The following DNM2 variants were observed in gnomAD, a reference collection of about 807,000 sequenced individuals.
DNM2 encodes dynamin 2, also known as dynamin-2.
In DNM2, 15 loss-of-function variants were observed where a neutral mutation model predicts 99.0. That is an observed-to-expected ratio of 0.15 (90% confidence interval 0.10 to 0.23). The LOEUF is 0.23. Ranked by LOEUF, DNM2 falls within the 10% of genes least tolerant of loss-of-function variation. The pLI is 1.00. For synonymous variants in DNM2, 525 were observed against 481.2 expected, an observed-to-expected ratio of 1.09 and a Z score of -1.19; for missense variants, 742 against 1,189.4, an observed-to-expected ratio of 0.62 and a Z score of 5.53.
chr19:10,762,740 C>T (rs989344085), intron 2 of DNM2, among the ~76,000 whole-genome samples: 1 of 152,314 alleles, frequency 6.6e-6, no homozygotes, highest in South Asian at 2.1e-4. Context: ...CTTTAAAGCC[C>T]ACCCTTAAGC....
chr19:10,743,982 TC>T lies in DNM2; in HGVS notation c.162-15754del, dbSNP rs202082998. Among the ~76,000 whole-genome samples, 1,104 of 142,638 alleles carry T rather than the reference TC, an allele frequency of 7.7e-3. 12 individuals are homozygous for T. Among genetic ancestry groups the T allele is most frequent in the African/African-American group, 0.028 (1,042 of 37,706 alleles). The allele number at this position is 142,638 out of a possible 152,430, so 93.6% of individuals were successfully genotyped here. ...GCCAGGGCAGCAGAGCGAGACTGTT[TC>T]CAGAAAAAAAAAAAAAATACAAAAA... On this transcript the variant is annotated intron_variant, in intron 1 of 20. Coordinates refer to ENST00000389253, the MANE Select transcript of DNM2 (RefSeq NM_001005361.3).
chr19:10,745,889 A>T (rs1436137802), intron 1 of DNM2, among the ~76,000 whole-genome samples: 1 of 152,146 alleles, frequency 6.6e-6, no homozygotes, highest in Non-Finnish European at 1.5e-5. Flanking sequence ...AGGAGATGAG[A>T]TGGTCTTTCG....
intron 13 of DNM2, 147 bp from the exon 14 acceptor site, chr19:10,808,422 C>A: frequency 1.4e-6 from 1 of 725,090 alleles, no homozygotes; most frequent in South Asian, 2.2e-5. Flanking sequence ...AATTTTTTTT[C>A]TTTTGCTGTT....
At chr19:10,759,890 G>A (rs1233632151) in intron 2 of DNM2, 79 bp downstream of exon 2, 1 of 1,573,188 alleles carries the variant, frequency 6.4e-7, no homozygotes, top group African/African-American at 1.4e-5. Flanking sequence ...GGCGGAGGGT[G>A]GAACTTGGGT....
intron 5 of DNM2, chr19:10,780,415 A>G (rs1024163323): frequency 6.6e-6 from 1 of 152,378 alleles, no homozygotes; most frequent in African/African-American, 2.4e-5. Context: ...GGCACTAGCC[A>G]GGCTGAGGAT....
At chr19:10,805,362 G>A (rs1343668876) in intron 12 of DNM2, among the ~76,000 whole-genome samples, 2 of 152,234 alleles carry the variant, frequency 1.3e-5, no homozygotes, top group African/African-American at 4.8e-5. Context: ...AGGGCCAGGT[G>A]CAGTGGCTCA....
chr19:10,814,999 T>G (rs1236819565), intron 15 of DNM2, among the ~76,000 whole-genome samples: 2 of 152,204 alleles, frequency 1.3e-5, no homozygotes, highest in Non-Finnish European at 2.9e-5. Flanking sequence ...GGGAGAAGAC[T>G]GCAGGCTGTC....
chr19:10,766,688 G>A (rs1293748751), intron 2 of DNM2, among the ~76,000 whole-genome samples: 2 of 152,014 alleles, frequency 1.3e-5, no homozygotes, highest in Non-Finnish European at 2.9e-5. Flanking sequence ...CACAGGCTTG[G>A]GAGGGAGGCA....
At chr19:10,785,269 C>T (rs1010316175) in intron 6 of DNM2, among the ~76,000 whole-genome samples, 4 of 151,966 alleles carry the variant, frequency 2.6e-5, no homozygotes, top group East Asian at 3.8e-4. Context: ...AGGCACCCAT[C>T]ACCACACCCG....
In DNM2 at chr19:10,805,874, G is replaced by A. The variant is rs564774041; in HGVS notation, c.1494-42G>A. The A allele has an allele frequency of 5.7e-4, 921 of 1,613,600 alleles. 11 individuals are homozygous for A. The South Asian group carries it at 8.8e-3, about 15-fold the overall frequency. On this transcript the variant is annotated intron_variant, in intron 12 of 20. Coordinates refer to ENST00000389253, the MANE Select transcript of DNM2 (RefSeq NM_001005361.3). Reference sequence around the variant, plus strand: ...TCGCCTCTTCCCCTTCTTCCCCCCCGGCATCTTGTCCACGTGAACCCTGTC... The same window carrying A: ...TCGCCTCTTCCCCTTCTTCCCCCCCAGCATCTTGTCCACGTGAACCCTGTC...
intron 1 of DNM2, among the ~76,000 whole-genome samples, chr19:10,754,455 G>A (rs2070315133): frequency 6.6e-6 from 1 of 152,046 alleles, no homozygotes; most frequent in South Asian, 2.1e-4. Flanking sequence ...GTTTTACCGT[G>A]TTGGCCAGGA....
chr19:10,812,466 A>AC lies in DNM2; in HGVS notation c.1671+90dup. On this transcript the variant is annotated intron_variant, in intron 15 of 20. Coordinates refer to ENST00000389253, the MANE Select transcript of DNM2 (RefSeq NM_001005361.3). This position sits in a 1 kb window ranked among gnomAD's most constrained non-coding sequence, Gnocchi z 4.0. ...CGCTCCCTCTGGGCAGAACTCAGTC[A>AC]CTGCGCCACTCTGCCCTGAGTCACC... is the stretch of plus-strand genomic sequence containing the variant. 9.3e-7 allele frequency: 1 copy of AC among 1,080,116 alleles called. No individual in the cohort carries two copies. The allele number at this position is 1,080,116 out of a possible 1,614,324, so 66.9% of individuals were successfully genotyped here.
In DNM2 at chr19:10,765,957, A is replaced by G. The variant is rs2070782969; in HGVS notation, c.235+6146A>G. Among the ~76,000 whole-genome samples, 1 of 152,180 alleles carries G rather than the reference A, an allele frequency of 6.6e-6. No individual in the cohort carries two copies. Among genetic ancestry groups the G allele is most frequent in the Non-Finnish European group, 1.5e-5 (1 of 68,032 alleles). ...CAGCCCCTGAGGGTTCCCTGAGACT[A>G]ACAGCTGAGCCGTGTTTGTGCTCCT... On this transcript the variant is annotated intron_variant, in intron 2 of 20. Transcript: ENST00000389253. The surrounding 1 kb of genome is among the most constrained non-coding windows in gnomAD (Gnocchi z 4.4).
Position 10,830,044 on chromosome 19 carries a change from C to T in DNM2, c.2292-83C>T, listed in dbSNP as rs547495500. ...CGCTGTCCCCATAGCCAGCCCCCAC[C>T]TCAGGTTCTGGCAGCCACAGTGGCA... On this transcript the variant is annotated intron_variant, in intron 19 of 20. Coordinates refer to ENST00000389253, the MANE Select transcript of DNM2 (RefSeq NM_001005361.3). This position sits in a 1 kb window ranked among gnomAD's most constrained non-coding sequence, Gnocchi z 4.8. The T allele has an allele frequency of 3.7e-4, 597 of 1,594,578 alleles. 3 individuals carry two copies. In the African/African-American group the frequency reaches 7.3e-3, roughly 19 times the overall value.
rs1454744687 is a variant in DNM2, at chr19:10,811,411, G to GTGCCCTGCCA, written c.1558-844_1558-835dup. On this transcript the variant is annotated intron_variant, in intron 14 of 20. Transcript: ENST00000389253. This position sits in a 1 kb window ranked among gnomAD's most constrained non-coding sequence, Gnocchi z 5.4. Reference sequence around the variant, plus strand: ...CCATCTCTGGCGCTCCTGCCGTGCCGTGCCCTGCCATGCCCTGCACTGGGG... The same window carrying GTGCCCTGCCA: ...CCATCTCTGGCGCTCCTGCCGTGCCGTGCCCTGCCATGCCCTGCCATGCCCTGCACTGGGG... 2 of 292,314 alleles carry GTGCCCTGCCA rather than the reference G, an allele frequency of 6.8e-6. No homozygotes were observed. Among genetic ancestry groups the GTGCCCTGCCA allele is most frequent in the South Asian group, 2.9e-5 (1 of 34,422 alleles). The allele number at this position is 292,314 out of a possible 1,614,324, so 18.1% of individuals were successfully genotyped here. A position where few individuals can be genotyped will look rare whatever the true frequency, so the allele number is the denominator to read the frequency against.
chr19:10,781,773 A>G (rs1357130723), intron 5 of DNM2: 3 of 152,144 alleles, frequency 2.0e-5, no homozygotes, highest in African/African-American at 7.2e-5. Context: ...CCACAAAACA[A>G]AAACCTAGCC....
At chr19:10,823,934 C>T in intron 17 of DNM2, 35 bp downstream of exon 17, 1 of 1,605,054 alleles carries the variant, frequency 6.2e-7, no homozygotes, top group Non-Finnish European at 8.5e-7. Context: ...GGCCCAGAGC[C>T]CCCACCTGGG....
chr19:10,823,118 A>C (rs1412698880), intron 16 of DNM2: 2 of 150,192 alleles, frequency 1.3e-5, no homozygotes, highest in Non-Finnish European at 1.5e-5. Flanking sequence ...AACAAAACAA[A>C]ACACATTCGG....
intron 1 of DNM2, among the ~76,000 whole-genome samples, chr19:10,744,804 G>C (rs1025280894): frequency 1.3e-5 from 2 of 152,284 alleles, no homozygotes; most frequent in African/African-American, 4.8e-5. Context: ...GCACTCACCA[G>C]GCTGGCTGGG....
Sources: allele counts gnomAD v4.1 joint callset (sites outside exome capture counted in the v4.1 genomes callset), GRCh38; gene constraint gnomAD v4.1.1; non-coding constraint Gnocchi (gnomAD v3.1); transcripts MANE v1.5; gene names NCBI Gene and HGNC (gene_info 2026-07-23, HGNC 2026-07-21).